The following KCND3 variants were observed in gnomAD, a reference collection of about 807,000 sequenced individuals.
KCND3 encodes potassium voltage-gated channel subfamily D member 3.
KCND3 carries 9 observed loss-of-function variants against 51.1 expected under a neutral mutation model. The observed-to-expected ratio is 0.18, with a 90% confidence interval of 0.11 to 0.31. The LOEUF (loss-of-function observed/expected upper bound fraction) is 0.31, where lower values mean the gene tolerates loss of function less well. Among genes scored for constraint, KCND3 ranks in the 10% least tolerant of loss-of-function variants. The pLI is 1.00. For synonymous variants in KCND3, 349 were observed against 368.0 expected (o/e 0.95, Z 0.59); for missense variants, 526 against 903.8 (o/e 0.58, Z 5.36).
At chr1:111,826,019 C>CAAGCCA (rs1666555105) in intron 2 of KCND3, among the ~76,000 whole-genome samples, 2 of 152,158 alleles carry the variant, frequency 1.3e-5, no homozygotes, top group African/African-American at 4.8e-5. Flanking sequence ...TGCTAATTTG[C>CAAGCCA]AAGCCAAAAA....
intron 2 of KCND3, among the ~76,000 whole-genome samples, chr1:111,834,951 A>T (rs1187726955): frequency 6.6e-6 from 1 of 152,106 alleles, no homozygotes; most frequent in Non-Finnish European, 1.5e-5. Context: ...AAGCCAACCC[A>T]TTGCATCCAA....
intron 2 of KCND3, among the ~76,000 whole-genome samples, chr1:111,810,119 T>C (rs892134511): frequency 6.6e-6 from 1 of 152,242 alleles, no homozygotes; most frequent in Non-Finnish European, 1.5e-5. Context: ...GAACAGGAGA[T>C]GACCAAGGGG....
intron 2 of KCND3, among the ~76,000 whole-genome samples, chr1:111,892,110 TC>T (rs1314189883): frequency 1.3e-5 from 2 of 152,118 alleles, no homozygotes; most frequent in African/African-American, 4.8e-5. Flanking sequence ...GGGAAAAGCT[TC>T]CTAGAGAAGG....
chr1:111,860,508 G>C (rs1668288224), intron 2 of KCND3, among the ~76,000 whole-genome samples: 1 of 152,148 alleles, frequency 6.6e-6, no homozygotes, highest in African/African-American at 2.4e-5. Context: ...AGAGGAATTT[G>C]GAGCATGGTT....
At chr1:111,946,500 G>A (rs548295731) in intron 2 of KCND3, among the ~76,000 whole-genome samples, 24 of 152,262 alleles carry the variant, frequency 1.6e-4, no homozygotes, top group African/African-American at 5.3e-4. Context: ...CACTGGGAAG[G>A]GCAGCCGGCC....
chr1:111,848,037 C>T (rs1300457409), intron 2 of KCND3, among the ~76,000 whole-genome samples: 2 of 152,222 alleles, frequency 1.3e-5, no homozygotes, highest in African/African-American at 4.8e-5. Context: ...TTTGCTGCCA[C>T]CTCACCTTCT....
intron 2 of KCND3, among the ~76,000 whole-genome samples, chr1:111,856,176 A>G (rs1402288015): frequency 6.6e-6 from 1 of 152,230 alleles, no homozygotes. Flanking sequence ...AAGAGGTAGG[A>G]TAGCAGGGGT....
intron 2 of KCND3, among the ~76,000 whole-genome samples, chr1:111,927,981 T>C (rs1571861575): frequency 6.6e-6 from 1 of 152,004 alleles, no homozygotes; most frequent in African/African-American, 2.4e-5. Context: ...TGCTCACCTC[T>C]CCCAGGGCCT....
intron 2 of KCND3, among the ~76,000 whole-genome samples, chr1:111,925,766 T>C (rs1015401854): frequency 6.6e-6 from 1 of 152,078 alleles, no homozygotes; most frequent in African/African-American, 2.4e-5. Context: ...GGCCCTCCTA[T>C]TGAAAGCTGG....
rs1664067534 is a variant in KCND3, at chr1:111,775,482, A to G, written c.*595T>C. On this transcript the variant is annotated 3_prime_UTR_variant, in exon 8 of 8. Transcript: ENST00000302127. Reference sequence around the variant, plus strand: ...CTTAGCCTAAAAGCTTTTGCTATAAAAGGAGAAAAAAAAATCCCTCACAAA... The same window carrying G: ...CTTAGCCTAAAAGCTTTTGCTATAAGAGGAGAAAAAAAAATCCCTCACAAA... The G allele has an allele frequency of 6.2e-6, 1 of 160,368 alleles. No homozygotes were observed. The highest frequency in any genetic ancestry group is 1.4e-5 in the Non-Finnish European group (1 of 72,180). The allele number at this position is 160,368 out of a possible 1,614,324, so 9.9% of individuals were successfully genotyped here.
At chr1:111,814,227 C>T (rs1007764116) in intron 2 of KCND3, among the ~76,000 whole-genome samples, 4 of 132,852 alleles carry the variant, frequency 3.0e-5, no homozygotes, top group Non-Finnish European at 4.7e-5. Flanking sequence ...AAACACTGAT[C>T]GTGGTGCTTA....
intron 2 of KCND3, among the ~76,000 whole-genome samples, chr1:111,923,995 T>C (rs1671588770): frequency 6.6e-6 from 1 of 152,182 alleles, no homozygotes; most frequent in African/African-American, 2.4e-5. Flanking sequence ...ATTCAGGAGT[T>C]GTTCCTCCAA....
intron 2 of KCND3, among the ~76,000 whole-genome samples, chr1:111,836,789 A>G (rs547914): frequency 0.23 from 35,320 of 151,992 alleles, 4,416 homozygotes; most frequent in African/African-American, 0.3. Context: ...TAAATTTCCC[A>G]AGATCCCACC....
At chr1:111,849,547 T>G (rs1341883174) in intron 2 of KCND3, among the ~76,000 whole-genome samples, 2 of 152,206 alleles carry the variant, frequency 1.3e-5, no homozygotes, top group African/African-American at 4.8e-5. Context: ...GGAGCAGTCC[T>G]AGACCAAGCT....
chr1:111,784,988 G>A (rs1001386337), intron 3 of KCND3, among the ~76,000 whole-genome samples: 1 of 152,154 alleles, frequency 6.6e-6, no homozygotes, highest in Non-Finnish European at 1.5e-5. Flanking sequence ...GCTGAGGTGG[G>A]AGGATTCCTG....
rs200901454 is a variant in KCND3, at chr1:111,905,041, G to A, written c.1106+76580C>T. Among the ~76,000 whole-genome samples the A allele has an allele frequency of 1.1e-4, 17 of 152,264 alleles. No homozygotes were observed. The East Asian group carries it at 1.9e-3, about 17-fold the overall frequency. On this transcript the variant is annotated intron_variant, in intron 2 of 7. Coordinates refer to ENST00000302127, the MANE Select transcript of KCND3 (RefSeq NM_001378969.1). ...TGGCATTCTCAGAGAGCTCTTCCCC[G>A]TACCTCCCCAGAACACTGAGAATGG...
intron 2 of KCND3, among the ~76,000 whole-genome samples, chr1:111,829,924 G>A (rs547340611): frequency 3.9e-5 from 6 of 152,176 alleles, no homozygotes; most frequent in Non-Finnish European, 7.3e-5. Flanking sequence ...TGCATCCTTA[G>A]TGTTGCGTTG....
chr1:111,986,115 A>G (rs1425725679), intron 1 of KCND3, among the ~76,000 whole-genome samples: 1 of 152,208 alleles, frequency 6.6e-6, no homozygotes, highest in Non-Finnish European at 1.5e-5. Context: ...GCTAGGATTT[A>G]TTTCTAAGGG....
At chr1:111,834,949 C>G (rs1389285222) in intron 2 of KCND3, among the ~76,000 whole-genome samples, 21 of 152,292 alleles carry the variant, frequency 1.4e-4, no homozygotes, top group Non-Finnish European at 7.4e-5. Flanking sequence ...AGAAGCCAAC[C>G]CATTGCATCC....
Sources: allele counts gnomAD v4.1 joint callset (sites outside exome capture counted in the v4.1 genomes callset), GRCh38; gene constraint gnomAD v4.1.1; transcripts MANE v1.5; gene names NCBI Gene and HGNC (gene_info 2026-07-23, HGNC 2026-07-21).